NHSL1: variants seen among roughly 807,000 people sequenced by gnomAD.
NHSL1 encodes the protein NHS like 1.
In NHSL1, 48 loss-of-function variants were observed where a neutral mutation model predicts 95.0. The observed-to-expected ratio is 0.51, with a 90% CI of 0.40 to 0.64. NHSL1 has a LOEUF of 0.64. NHSL1 is among the 30% of genes least tolerant of loss of function. The probability of loss-of-function intolerance (pLI) is 0.00; values close to 1 mark genes in which losing one functional copy is unlikely to be tolerated. For missense variants in NHSL1, 1,971 were observed against 2,077.7 expected (o/e 0.95, Z 1.00); for synonymous variants, 783 against 833.9 (o/e 0.94, Z 1.05).
chr6:138,536,602 CTTTTTTTTTTTTT>C (rs563509738), intron 1 of NHSL1, among the ~76,000 whole-genome samples: 5 of 80,018 alleles, frequency 6.2e-5, no homozygotes, highest in Admixed American at 5.9e-4. Context: ...CATATGTCAT[CTTTTTTTTTTTTT>C]TTTTTTTTTT....
chr6:138,608,739 C>T (rs901615653), intron 1 of NHSL1, among the ~76,000 whole-genome samples: 1 of 152,242 alleles, frequency 6.6e-6, no homozygotes, highest in Non-Finnish European at 1.5e-5. Flanking sequence ...CCTCCTTCAA[C>T]TGCCACTACA....
In NHSL1 at chr6:138,523,555, C is replaced by T. The variant is rs146377830; in HGVS notation, c.16+22068G>A. ...AACTCCTGGACTCAAGCCATCTTCC[C>T]GCTTTGGCGTCCCAAAGTGCTGGGA... is the stretch of plus-strand genomic sequence containing the variant. On this transcript the variant is annotated intron_variant, in intron 1 of 4. Transcript: ENST00000342260. Among the ~76,000 whole-genome samples, 54 of 146,388 alleles carry T rather than the reference C, an allele frequency of 3.7e-4. 1 individual carries two copies. The highest frequency in any genetic ancestry group is 2.1e-3 in the Admixed American group (30 of 14,250).
chr6:138,469,111 C>T (rs1430907387), intron 3 of NHSL1, among the ~76,000 whole-genome samples: 2 of 152,136 alleles, frequency 1.3e-5, no homozygotes, highest in East Asian at 3.8e-4. Context: ...TGCATCCGTG[C>T]ATCACAGTGA....
At chr6:138,489,719 A>G (rs1404777607) in intron 2 of NHSL1, among the ~76,000 whole-genome samples, 2 of 143,348 alleles carry the variant, frequency 1.4e-5, no homozygotes, top group Non-Finnish European at 3.0e-5. Context: ...CCGTGATCAC[A>G]TTGCTGCACT....
intron 7 of NHSL1, among the ~76,000 whole-genome samples, chr6:138,426,899 T>A (rs1257100627): frequency 6.6e-6 from 1 of 152,182 alleles, no homozygotes; most frequent in African/African-American, 2.4e-5. Context: ...CTGACAAAAC[T>A]ACAGACATCC....
intron 1 of NHSL1, among the ~76,000 whole-genome samples, chr6:138,671,688 A>G (rs1010435676): frequency 6.6e-6 from 1 of 152,196 alleles, no homozygotes; most frequent in African/African-American, 2.4e-5. Flanking sequence ...TGAATTCTTA[A>G]GGCAAAAAGA....
chr6:138,671,522 G>C (rs1418099256), intron 1 of NHSL1, among the ~76,000 whole-genome samples: 1 of 152,026 alleles, frequency 6.6e-6, no homozygotes, highest in Non-Finnish European at 1.5e-5. Flanking sequence ...GTGATTAGGG[G>C]AGACAGGCAT....
At chr6:138,464,020 G>T in intron 3 of NHSL1, 1 of 336,982 alleles carries the variant, frequency 3.0e-6, no homozygotes. Flanking sequence ...ACAATGCTTG[G>T]CATATTGGCA....
chr6:138,483,836 T>C (rs935383941), intron 2 of NHSL1, among the ~76,000 whole-genome samples: 4 of 152,210 alleles, frequency 2.6e-5, no homozygotes, highest in African/African-American at 4.8e-5. Flanking sequence ...GTTCCTTAAA[T>C]GAATGAATGA....
chr6:138,545,603 T>C (rs544859212), intron 1 of NHSL1: 10 of 1,286,950 alleles, frequency 7.8e-6, no homozygotes, highest in East Asian at 1.1e-4. Context: ...GCCACCCAAA[T>C]GGACACGAAG....
At chr6:138,631,642 G>T (rs1422465938) in intron 1 of NHSL1, among the ~76,000 whole-genome samples, 48 of 152,096 alleles carry the variant, frequency 3.2e-4, no homozygotes, top group Non-Finnish European at 1.5e-5. Flanking sequence ...TTGAAAGGAA[G>T]GACCTACTCC....
At chr6:138,469,547 C>T (rs1305816580) in intron 3 of NHSL1, among the ~76,000 whole-genome samples, 3 of 152,080 alleles carry the variant, frequency 2.0e-5, no homozygotes, top group Non-Finnish European at 4.4e-5. Flanking sequence ...AACATGGCAA[C>T]ACCCCATCTC....
At chr6:138,482,419 C>A (rs1159565066) in intron 2 of NHSL1, among the ~76,000 whole-genome samples, 2 of 143,572 alleles carry the variant, frequency 1.4e-5, no homozygotes, top group African/African-American at 5.3e-5. Context: ...GCACTCCAGC[C>A]TGGGTGACAG....
At chr6:138,572,386 C>G (rs1219718973) in exon 1 of NHSL1, 1 of 153,870 alleles carries the variant, frequency 6.5e-6, no homozygotes, top group African/African-American at 2.4e-5. Context: ...AACTCCTCAC[C>G]CTAGAGAAAA....
intron 1 of NHSL1, among the ~76,000 whole-genome samples, chr6:138,613,847 C>G (rs1465486755): frequency 1.3e-5 from 2 of 152,204 alleles, no homozygotes; most frequent in Non-Finnish European, 2.9e-5. Context: ...ACATTTAGTG[C>G]AGGATGGCCT....
intron 1 of NHSL1, among the ~76,000 whole-genome samples, chr6:138,639,365 G>A (rs1232646933): frequency 3.3e-5 from 5 of 152,006 alleles, no homozygotes; most frequent in Non-Finnish European, 5.9e-5. Context: ...ATGGCTGGGC[G>A]CAATGGCTCA....
Position 138,454,696 on chromosome 6 carries a change from C to T in NHSL1, c.340-7503G>A, listed in dbSNP as rs999638675. Among the ~76,000 whole-genome samples, 6 of 152,196 alleles carry T rather than the reference C, an allele frequency of 3.9e-5. No homozygotes were observed. In the South Asian group the frequency reaches 1.0e-3, roughly 26 times the overall value. ...ATGTAAGTTATACTTCAATAAAAGG[C>T]GTTTTAATAAAGAAAGATCTTGTTT... On this transcript the variant is annotated intron_variant, in intron 3 of 7. Coordinates refer to ENST00000343505, the MANE Select transcript of NHSL1 (RefSeq NM_001144060.2).
At chr6:138,644,625 T>C (rs1397656062) in intron 1 of NHSL1, among the ~76,000 whole-genome samples, 2 of 152,214 alleles carry the variant, frequency 1.3e-5, no homozygotes, top group African/African-American at 4.8e-5. Flanking sequence ...GACACAGGCA[T>C]TGCTGTGTTA....
In NHSL1 at chr6:138,430,420, T is replaced by G; in HGVS notation, c.3925A>C (p.Ser1309Arg). ...NSADTGGDGESCLSQQDGAAG... is the reference protein window; with the variant it reads ...NSADTGGDGERCLSQQDGAAG... ...GCTCCGTCCTGTTGAGATAGGCAGC[T>G]CTCCCCATCGCCCCCAGTATCCGCA... The change falls in exon 6 of 8, where the codon AGC becomes CGC. Residue 1309 changes from serine to arginine, a missense_variant. Transcript: ENST00000343505. The surrounding 1 kb of genome is among the most constrained non-coding windows in gnomAD (Gnocchi z 4.7). 6.7e-7 allele frequency: 1 copy of G among 1,494,790 alleles called. No homozygotes were observed. The highest frequency in any genetic ancestry group is 9.0e-7 in the Non-Finnish European group (1 of 1,115,958). The allele number at this position is 1,494,790 out of a possible 1,614,324, so 92.6% of individuals were successfully genotyped here. A position where few individuals can be genotyped will look rare whatever the true frequency, so the allele number is the denominator to read the frequency against.
Sources: gnomAD v4.1 joint callset for allele counts (sites outside exome capture counted in the v4.1 genomes callset) on GRCh38, gnomAD v4.1.1 for gene constraint, Gnocchi (gnomAD v3.1) non-coding constraint, MANE v1.5 for transcripts, NCBI Gene and HGNC (gene_info 2026-07-23, HGNC 2026-07-21) for gene names.